Variants in PIBF1 observed in about 807,000 individuals in gnomAD.
PIBF1 encodes progesterone-induced-blocking factor 1.
PIBF1 carries 90 observed loss-of-function variants against 112.5 expected under a neutral mutation model. The ratio of observed to expected loss-of-function variants is 0.80; its 90% confidence interval spans 0.67 to 0.95. The LOEUF (loss-of-function observed/expected upper bound fraction) is 0.95, where lower values mean the gene tolerates loss of function less well. Ranked by LOEUF, PIBF1 falls within the 40% of genes least tolerant of loss-of-function variation. PIBF1 has a pLI of 0.00. For synonymous variants in PIBF1, 301 were observed against 288.6 expected, an observed-to-expected ratio of 1.04 and a Z score of -0.44; for missense variants, 915 against 852.3, an observed-to-expected ratio of 1.07 and a Z score of -0.92.
At chr13:72,806,111 A>G (rs1449358317) in intron 5 of PIBF1, among the ~76,000 whole-genome samples, 1 of 152,212 alleles carries the variant, frequency 6.6e-6, no homozygotes, top group Non-Finnish European at 1.5e-5. Context: ...CATGTATACA[A>G]TTCAGTAAAG....
chr13:72,905,682 C>G (rs966320694), intron 11 of PIBF1, among the ~76,000 whole-genome samples: 7 of 151,922 alleles, frequency 4.6e-5, no homozygotes, highest in African/African-American at 7.3e-5. Context: ...TTTTTATTGC[C>G]TTTAGCTGGT....
chr13:72,990,591 T>A (rs961312369), intron 16 of PIBF1, among the ~76,000 whole-genome samples: 2 of 150,356 alleles, frequency 1.3e-5, no homozygotes, highest in Non-Finnish European at 2.9e-5. Context: ...CTCACACCTG[T>A]AATACCAGCA....
At chr13:72,794,873 C>G (rs1026094962) in intron 3 of PIBF1, among the ~76,000 whole-genome samples, 1 of 152,136 alleles carries the variant, frequency 6.6e-6, no homozygotes, top group Non-Finnish European at 1.5e-5. Context: ...AGGCAACTAA[C>G]AATAATGTCT....
At chr13:72,983,543 AAAAC>A (rs1367014978) in intron 16 of PIBF1, among the ~76,000 whole-genome samples, 4 of 152,206 alleles carry the variant, frequency 2.6e-5, no homozygotes, top group African/African-American at 9.7e-5. Context: ...TAATGAAAAG[AAAAC>A]AAACCCTGCA....
chr13:72,787,367 A>G lies in PIBF1; in HGVS notation c.252+3646A>G, dbSNP rs2034655718. On this transcript the variant is annotated intron_variant, in intron 2 of 17. Coordinates refer to ENST00000326291, the MANE Select transcript of PIBF1 (RefSeq NM_006346.4). The stretch of plus-strand genomic sequence containing the variant: ...TGTTTCTTGTGAGCAGTGATTCTAA[A>G]GCTAGTACACCCCACTGAATTTTGT... Among the ~76,000 whole-genome samples, 2 of 152,208 alleles carry G rather than the reference A, an allele frequency of 1.3e-5. 1 individual carries two copies. The highest frequency in any genetic ancestry group is 4.1e-4 in the South Asian group (2 of 4,828).
chr13:72,984,942 C>T (rs2043238717), intron 16 of PIBF1, among the ~76,000 whole-genome samples: 1 of 151,962 alleles, frequency 6.6e-6, no homozygotes, highest in Non-Finnish European at 1.5e-5. Flanking sequence ...ATAGACCTAG[C>T]AATTTTTAGG....
chr13:72,952,306 G>C (rs2042321438), intron 14 of PIBF1, among the ~76,000 whole-genome samples: 1 of 151,702 alleles, frequency 6.6e-6, no homozygotes, highest in East Asian at 1.9e-4. Context: ...CACCTGCCTT[G>C]GCCTCCCAAA....
chr13:72,897,080 T>G (rs1057442679), intron 11 of PIBF1, among the ~76,000 whole-genome samples: 63 of 152,190 alleles, frequency 4.1e-4, no homozygotes, highest in Non-Finnish European at 7.9e-4. Context: ...GAGGAAAACC[T>G]ATAAGATTAA....
chr13:72,974,642 T>C (rs997346221), intron 16 of PIBF1, among the ~76,000 whole-genome samples: 1 of 152,178 alleles, frequency 6.6e-6, no homozygotes, highest in African/African-American at 2.4e-5. Flanking sequence ...GTTTCCTTTT[T>C]ATTGCTGAGT....
At chr13:72,853,191 T>G (rs1337169609) in intron 9 of PIBF1, among the ~76,000 whole-genome samples, 3 of 152,176 alleles carry the variant, frequency 2.0e-5, no homozygotes, top group Non-Finnish European at 4.4e-5. Context: ...AATCTCCCAG[T>G]TAGTCATTGT....
intron 9 of PIBF1, among the ~76,000 whole-genome samples, chr13:72,852,150 A>G (rs1259413445): frequency 1.3e-5 from 2 of 152,182 alleles, no homozygotes; most frequent in Admixed American, 6.5e-5. Context: ...GAGCTGAAAC[A>G]TGCCCCTCAC....
intron 15 of PIBF1, among the ~76,000 whole-genome samples, chr13:72,968,827 C>T (rs1029626678): frequency 5.3e-5 from 8 of 151,760 alleles, no homozygotes; most frequent in African/African-American, 9.7e-5. Context: ...CCCAGGAGTT[C>T]GAGACCAGCC....
chr13:73,005,391 A>G (rs1301025426), intron 17 of PIBF1, among the ~76,000 whole-genome samples: 3 of 151,720 alleles, frequency 2.0e-5, no homozygotes, highest in Non-Finnish European at 4.4e-5. Flanking sequence ...GGAGGATCAC[A>G]TGAGCCCAGG....
rs189790483 is a variant in PIBF1, at chr13:72,975,732, G to A, written c.2049+2057G>A. 1.2e-3 allele frequency among the ~76,000 whole-genome samples: 188 copies of A among 152,184 alleles called. No individual in the cohort carries two copies. The Middle Eastern group carries it at 0.024, about 19-fold the overall frequency. ...GATATTTATTCTTTCTTCTGAGTTC[G>A]GACATTCTAGACCTTATCCATCACC... On this transcript the variant is annotated intron_variant, in intron 16 of 17. Transcript: ENST00000326291.
At position 72,990,407 on chromosome 13, in the gene PIBF1, G is replaced by T. The variant is rs540525915; in HGVS notation, c.2050-8415G>T. Among the ~76,000 whole-genome samples the T allele has an allele frequency of 6.6e-5, 10 of 151,236 alleles. No individual in the cohort carries two copies. The South Asian group carries it at 2.1e-3, about 32-fold the overall frequency. On this transcript the variant is annotated intron_variant, in intron 16 of 17. Transcript: ENST00000326291. Reference sequence around the variant, plus strand: ...ATGGTGGTGTGCACCTGTAGTCCCAGCTACTCAGGAGGCTGAGGCAGGAGA... The same window carrying T: ...ATGGTGGTGTGCACCTGTAGTCCCATCTACTCAGGAGGCTGAGGCAGGAGA...
At chr13:72,972,000 T>TTTTA (rs1292928387) in intron 15 of PIBF1, among the ~76,000 whole-genome samples, 2 of 138,872 alleles carry the variant, frequency 1.4e-5, no homozygotes, top group African/African-American at 2.7e-5. Flanking sequence ...GATTAGTGGC[T>TTTTA]TTCATTTATT....
At chr13:72,841,497 G>A (rs1243317295) in intron 9 of PIBF1, among the ~76,000 whole-genome samples, 1 of 152,164 alleles carries the variant, frequency 6.6e-6, no homozygotes, top group African/African-American at 2.4e-5. Context: ...TAGGCTAGGT[G>A]TGGTGGCTAA....
intron 13 of PIBF1, among the ~76,000 whole-genome samples, chr13:72,927,976 T>C (rs61966192): frequency 0.061 from 4,766 of 77,714 alleles, 247 homozygotes; most frequent in Non-Finnish European, 0.084. Flanking sequence ...TATATATATA[T>C]ACATATATAT....
At chr13:72,979,915 A>G (rs2043115161) in intron 16 of PIBF1, among the ~76,000 whole-genome samples, 1 of 151,950 alleles carries the variant, frequency 6.6e-6, no homozygotes, top group Admixed American at 6.6e-5. Context: ...ACAGAGCAAG[A>G]CTCTGTCTCA....
Sources: gnomAD v4.1 joint callset for allele counts (sites outside exome capture counted in the v4.1 genomes callset) on GRCh38, gnomAD v4.1.1 for gene constraint, MANE v1.5 for transcripts, NCBI Gene and HGNC (gene_info 2026-07-23, HGNC 2026-07-21) for gene names.